Variants in DUOX2 observed in about 807,000 individuals in gnomAD.
The protein encoded by DUOX2 is NADH/NADPH thyroid oxidase p138-tox.
In DUOX2, 185 loss-of-function variants were observed where a neutral mutation model predicts 183.3. The ratio of observed to expected loss-of-function variants is 1.01; its 90% CI spans 0.90 to 1.14. The LOEUF is 1.14. Ranked by LOEUF, DUOX2 falls within the 50% of genes most tolerant of loss-of-function variation. The probability of loss-of-function intolerance (pLI) is 0.00; values close to 1 mark genes in which losing one functional copy is unlikely to be tolerated. For synonymous variants in DUOX2, 788 were observed against 812.4 expected (o/e 0.97, Z 0.51); for missense variants, 1,999 against 2,022.9 (o/e 0.99, Z 0.23).
intron 20 of DUOX2, among the ~76,000 whole-genome samples, chr15:45,103,190 A>G (rs980789049): frequency 2.0e-5 from 3 of 152,238 alleles, no homozygotes; most frequent in African/African-American, 7.2e-5. Flanking sequence ...GTTAAGGGGA[A>G]TGCTTAAAGC....
chr15:45,108,781 T>C lies in DUOX2; in HGVS notation c.1398+8A>G. 6 of 1,614,200 alleles carry C rather than the reference T, an allele frequency of 3.7e-6. No individual in the cohort carries two copies. Among genetic ancestry groups the C allele is most frequent in the Non-Finnish European group, 5.1e-6 (6 of 1,179,996 alleles). Reference sequence around the variant, plus strand: ...TTAGCTGCCATTATTATCATTACTATTCCTGACCTGGGGGTCCACATTAGG... The same window carrying C: ...TTAGCTGCCATTATTATCATTACTACTCCTGACCTGGGGGTCCACATTAGG... On this transcript the variant is annotated splice_region_variant and intron_variant, in intron 12 of 33. Coordinates refer to ENST00000389039, the MANE Select transcript of DUOX2 (RefSeq NM_001363711.2).
intron 13 of DUOX2, among the ~76,000 whole-genome samples, 178 bp from the exon 14 acceptor site, chr15:45,107,641 C>A (rs1385183985): frequency 6.6e-6 from 1 of 151,690 alleles, no homozygotes; most frequent in African/African-American, 2.4e-5. Flanking sequence ...GTCAGGAGTT[C>A]GAGACCAGCC....
Position 45,095,067 on chromosome 15 carries a change from T to C in DUOX2, c.4264A>G (p.Thr1422Ala). The C allele has an allele frequency of 2.5e-6, 4 of 1,614,006 alleles. No individual in the cohort carries two copies. The highest frequency in any genetic ancestry group is 3.4e-6 in the Non-Finnish European group (4 of 1,180,000). Residue 1422 changes from threonine (T) to alanine (A), a missense_variant, in exon 32 of 34, where the codon ACC becomes GCC. Thr to Ala is a moderately conservative substitution (Grantham distance 58, BLOSUM62 0). Transcript: ENST00000389039. ...KKIYFIWVTR[T>A]QRQFEWLADI... ...GCCAGCCACTCAAACTGACGCTGGGTCCGTGTCACCCAGATGAAGTAGATC... is the reference window on the plus strand; with the variant it reads ...GCCAGCCACTCAAACTGACGCTGGGCCCGTGTCACCCAGATGAAGTAGATC...
chr15:45,107,850 CAAAAAA>C (rs36025213), intron 13 of DUOX2, among the ~76,000 whole-genome samples, 191 bp downstream of exon 13: 75 of 48,848 alleles, frequency 1.5e-3, no homozygotes, highest in African/African-American at 5.7e-3. Flanking sequence ...GACTCTGCCT[CAAAAAA>C]AAAAAAAAAA....
In DUOX2 at chr15:45,111,272, C is replaced by G; in HGVS notation, c.721G>C (p.Gly241Arg). Reference sequence around the variant, plus strand: ...GGTTCCCGGTTCCCTCTCTCTGCCCCGAAGGCTGCATCCGACGTGGGGGCG... The same window carrying G: ...GGTTCCCGGTTCCCTCTCTCTGCCCGGAAGGCTGCATCCGACGTGGGGGCG... ...QNGPRGLYAF[G>R]AERGNREPFL... Residue 241 changes from glycine (G) to arginine (R), a missense_variant, in exon 7 of 34, where the codon GGG becomes CGG. This residue lies in a region of DUOX2 where 356 missense variants were observed against 356.4 expected (regional missense o/e 1.00). Coordinates refer to ENST00000389039, the MANE Select transcript of DUOX2 (RefSeq NM_001363711.2). 7.3e-6 allele frequency: 10 copies of G among 1,372,186 alleles called. No homozygotes were observed. The highest frequency in any genetic ancestry group is 8.7e-6 in the Non-Finnish European group (9 of 1,030,142). The allele number at this position is 1,372,186 out of a possible 1,614,324, so 85.0% of individuals were successfully genotyped here.
Position 45,106,070 on chromosome 15 carries a change from T to A in DUOX2, c.2148+55A>T, listed in dbSNP as rs576955639. 737 of 1,599,654 alleles carry A rather than the reference T, an allele frequency of 4.6e-4. 4 individuals carry two copies. The highest frequency in any genetic ancestry group is 2.5e-3 in the Middle Eastern group (14 of 5,638). Reference sequence around the variant, plus strand: ...GCTGAGGATAGGGTGGCCTCGCTTGTGATAATGGAGTCGTGTGAGGGCAGC... The same window carrying A: ...GCTGAGGATAGGGTGGCCTCGCTTGAGATAATGGAGTCGTGTGAGGGCAGC... On this transcript the variant is annotated intron_variant, in intron 17 of 33. Transcript: ENST00000389039.
chr15:45,099,155 C>T (rs537460533), intron 26 of DUOX2: 32 of 421,188 alleles, frequency 7.6e-5, no homozygotes, highest in East Asian at 2.1e-4. Context: ...GGATTACAGG[C>T]GCCCACCACC....
At chr15:45,109,179 G>A (rs967226689) in intron 11 of DUOX2, 1 of 627,962 alleles carries the variant, frequency 1.6e-6, no homozygotes, top group Non-Finnish European at 2.8e-6. Context: ...ACTCAAGACT[G>A]TTCTAGTCAC....
At position 45,111,501 on chromosome 15, in the gene DUOX2, C is replaced by T. The variant is rs2467827; in HGVS notation, c.598G>A (p.Gly200Arg). 2,058 of 1,551,330 alleles carry T rather than the reference C, an allele frequency of 1.3e-3. 17 individuals are homozygous for T. Among genetic ancestry groups the T allele is most frequent in the Middle Eastern group, 5.5e-3 (24 of 4,364 alleles). The change falls in exon 6 of 34, where the codon GGG becomes AGG. Residue 200 changes from glycine to arginine, a missense_variant. Around this residue, in one of 3 missense-constraint regions of DUOX2, gnomAD observed 356 missense variants for 356.4 expected, o/e 1.00. Coordinates refer to ENST00000389039, the MANE Select transcript of DUOX2 (RefSeq NM_001363711.2). The stretch of plus-strand genomic sequence containing the variant: ...TCGGGCCCCGACGCCAGCTGTCCCC[C>T]CGAGAAGCTCCGCAGCGCGTCGCTC... ...SWSDALRSFS[G>R]GQLASGPDPA...
In DUOX2 at chr15:45,106,264, C is replaced by G. The variant is rs369355365; in HGVS notation, c.2009G>C (p.Arg670Thr). Residue 670 changes from arginine (R) to threonine (T), a missense_variant, in exon 17 of 34, where the codon AGG becomes ACG. Coordinates refer to ENST00000389039, the MANE Select transcript of DUOX2 (RefSeq NM_001363711.2). ...ATGCCTGTTCAGGACCTGCAGACAC[C>G]TGTCTGACAGCAGCTGGATGATGAT... is the stretch of plus-strand genomic sequence containing the variant. ...SPIIIQLLSD[R>T]CLQVLNRHLT... 1 of 1,614,100 alleles carries G rather than the reference C, an allele frequency of 6.2e-7. No homozygotes were observed.
Position 45,106,046 on chromosome 15 carries a change from C to A in DUOX2, c.2148+79G>T, listed in dbSNP as rs1894203533. On this transcript the variant is annotated intron_variant, in intron 17 of 33. Coordinates refer to ENST00000389039, the MANE Select transcript of DUOX2 (RefSeq NM_001363711.2). ...CAGCTGTCATAGTTGAGCTCTGTAGCTGAGGATAGGGTGGCCTCGCTTGTG... is the reference window on the plus strand; with the variant it reads ...CAGCTGTCATAGTTGAGCTCTGTAGATGAGGATAGGGTGGCCTCGCTTGTG... 7 of 1,540,658 alleles carry A rather than the reference C, an allele frequency of 4.5e-6. No individual in the cohort carries two copies. The Admixed American group carries it at 1.2e-4, about 27-fold the overall frequency.
rs1168089009 is a variant in DUOX2 at position 45,100,754 on chromosome 15, C to A, written c.3005+1G>T. ...GGCCCAGGGATTTGGGAGACACTCA[C>A]TTTTTGCCAAACCTCTTCTTCAGTC... On this transcript the variant is annotated splice_donor_variant, in intron 23 of 33. Coordinates refer to ENST00000389039, the MANE Select transcript of DUOX2 (RefSeq NM_001363711.2). LOFTEE classifies it high-confidence loss of function. 6.2e-7 allele frequency: 1 copy of A among 1,614,078 alleles called. No homozygotes were observed. The highest frequency in any genetic ancestry group is 8.5e-7 in the Non-Finnish European group (1 of 1,179,934).
chr15:45,112,613 G>A lies in DUOX2; in HGVS notation c.266C>T (p.Thr89Met). 1 of 1,612,828 alleles carries A rather than the reference G, an allele frequency of 6.2e-7. No homozygotes were observed. The highest frequency in any genetic ancestry group is 8.5e-7 in the Non-Finnish European group (1 of 1,179,788). ...CGACGGCAGGCCGGCTATGCCCCGC[G>A]TGGCTGCGTTGCTGAGCCGGCGCGG... is the stretch of plus-strand genomic sequence containing the variant. Reference protein sequence around the residue: ...PNPRRLSNAATRGIAGLPSLH... With the variant: ...PNPRRLSNAAMRGIAGLPSLH... Residue 89 changes from threonine to methionine, a missense_variant, in exon 4 of 34, where the codon ACG becomes ATG. Physicochemically the swap from Thr to Met is moderately conservative, Grantham distance 81. Transcript: ENST00000389039.
chr15:45,099,687 G>T lies in DUOX2; in HGVS notation c.3390C>A (p.Ile1130=). 2 of 1,614,188 alleles carry T rather than the reference G, an allele frequency of 1.2e-6. No homozygotes were observed. The highest frequency in any genetic ancestry group is 1.7e-6 in the Non-Finnish European group (2 of 1,180,044). The part of the protein sequence containing the change: ...FDAAVDFHRW[I]AMAAVVLAIL... ...TGGCCAGGACAACAGCAGCCATGGC[G>T]ATCCAGCGGTGGAAGTCCACTGCGG... Residue 1130 remains isoleucine, a synonymous_variant, in exon 25 of 34, where the codon ATC becomes ATA. Transcript: ENST00000389039.
In DUOX2 at chr15:45,111,912, A is replaced by G. The variant is rs145131480; in HGVS notation, c.369T>C (p.Gly123=). 2.1e-5 allele frequency: 34 copies of G among 1,613,632 alleles called. No individual in the cohort carries two copies. Among genetic ancestry groups the G allele is most frequent in the African/African-American group, 2.0e-4 (15 of 74,920 alleles). ...LSDVVSVETP[G]CPAEFLNIRI... ...GGATGTTGAGGAACTCGGCGGGGCA[A>G]CCGGGCGTTTCCACGCTCACCACGT... The change falls in exon 5 of 34, where the codon GGT becomes GGC. Residue 123 remains glycine (G), a synonymous_variant. Coordinates refer to ENST00000389039, the MANE Select transcript of DUOX2 (RefSeq NM_001363711.2).
In DUOX2 at chr15:45,112,579, G is replaced by A. The variant is rs948290673; in HGVS notation, c.300C>T (p.Asn100=). Residue 100 remains asparagine, a synonymous_variant, in exon 4 of 34, where the codon AAC becomes AAT. Transcript: ENST00000389039. ...RGIAGLPSLH[N]RTVLGVFFGY... is the part of the protein sequence containing the mutation. ...CAAAGAAGACCCCCAGTACGGTGCG[G>A]TTGTGGAGCGACGGCAGGCCGGCTA... is the stretch of plus-strand genomic sequence containing the variant. 3 of 1,613,022 alleles carry A rather than the reference G, an allele frequency of 1.9e-6. No homozygotes were observed. In the African/African-American group the frequency reaches 4.0e-5, roughly 22 times the overall value.
chr15:45,098,449 C>G (rs765026218), intron 26 of DUOX2, among the ~76,000 whole-genome samples: 2 of 152,182 alleles, frequency 1.3e-5, no homozygotes, highest in Non-Finnish European at 2.9e-5. Context: ...CTTGACATCC[C>G]TACTCTGGCA....
At position 45,100,131 on chromosome 15, in the gene DUOX2, C is replaced by G; in HGVS notation, c.3103G>C (p.Val1035Leu). 2 of 1,614,214 alleles carry G rather than the reference C, an allele frequency of 1.2e-6. No homozygotes were observed. Among genetic ancestry groups the G allele is most frequent in the East Asian group, 2.2e-5 (1 of 44,878 alleles). ...ACGATGTGCCTCCGGTAGTTCTCCA[C>G]GAAGCGCTTGTACTGCTGCAGCTTT... ...AQKLQQYKRF[V>L]ENYRRHIVCV... Residue 1035 changes from valine to leucine, a missense_variant, in exon 24 of 34, where the codon GTG becomes CTG. Val to Leu is a conservative substitution (Grantham distance 32). Transcript: ENST00000389039.
rs1037554590 is a variant in DUOX2 at position 45,110,512 on chromosome 15, A to G, written c.956T>C (p.Phe319Ser). ...TLPEYTGYRP[F>S]LDPSISPEFV... Reference sequence around the variant, plus strand: ...TTCCGGGGAGATGCTGGGGTCTAGGAAAGGACGGTATCCTGCAGGAAGGAG... The same window carrying G: ...TTCCGGGGAGATGCTGGGGTCTAGGGAAGGACGGTATCCTGCAGGAAGGAG... The change falls in exon 9 of 34, where the codon TTC (phenylalanine) becomes TCC (serine). Residue 319 changes from phenylalanine to serine, a missense_variant. Physicochemically the swap from Phe to Ser is radical, Grantham distance 155 (BLOSUM62 -2). Transcript: ENST00000389039. 19 of 1,614,006 alleles carry G rather than the reference A, an allele frequency of 1.2e-5. No homozygotes were observed. The highest frequency in any genetic ancestry group is 1.5e-5 in the Non-Finnish European group (18 of 1,180,016).
Sources: allele counts gnomAD v4.1 joint callset (sites outside exome capture counted in the v4.1 genomes callset), GRCh38; gene constraint gnomAD v4.1.1; regional missense constraint gnomAD v4.1.1; transcripts MANE v1.5; gene names NCBI Gene and HGNC (gene_info 2026-07-23, HGNC 2026-07-21).